Variants in PPM1B observed in about 807,000 individuals in gnomAD.
The protein encoded by PPM1B is protein phosphatase, Mg2+/Mn2+ dependent 1B.
In PPM1B, 22 loss-of-function variants were observed where a neutral mutation model predicts 43.0. The ratio of observed to expected loss-of-function variants is 0.51; its 90% CI spans 0.37 to 0.73. The LOEUF (loss-of-function observed/expected upper bound fraction) is 0.73, where lower values mean the gene tolerates loss of function less well. Among genes scored for constraint, PPM1B ranks in the 30% least tolerant of loss-of-function variants. The pLI is 0.00. For missense variants in PPM1B, 632 were observed against 584.2 expected, an observed-to-expected ratio of 1.08 and a Z score of -0.84; for synonymous variants, 217 against 197.9, an observed-to-expected ratio of 1.10 and a Z score of -0.81.
At chr2:44,218,733 G>A in intron 5 of PPM1B, 196 bp downstream of exon 5, 2 of 516,942 alleles carry the variant, frequency 3.9e-6, no homozygotes, top group Non-Finnish European at 6.9e-6. Context: ...TTGTTTTGTA[G>A]ATAGTTTTGT....
intron 1 of PPM1B, among the ~76,000 whole-genome samples, chr2:44,188,443 T>C (rs1668235374): frequency 6.8e-6 from 1 of 147,570 alleles, no homozygotes; most frequent in African/African-American, 2.5e-5. Flanking sequence ...TTGCTCAGGC[T>C]GGAATACAAC....
At chr2:44,170,166 T>A (rs187688370) in intron 1 of PPM1B, among the ~76,000 whole-genome samples, 4 of 152,342 alleles carry the variant, frequency 2.6e-5, no homozygotes, top group Admixed American at 2.6e-4. Context: ...TTTGCCCATC[T>A]TATTCGGCAA....
At chr2:44,210,422 G>A (rs1022266627) in intron 3 of PPM1B, among the ~76,000 whole-genome samples, 11 of 151,936 alleles carry the variant, frequency 7.2e-5, no homozygotes, top group African/African-American at 2.4e-4. Context: ...GTCTCACTGT[G>A]TTGCCCAGGG....
intron 1 of PPM1B, among the ~76,000 whole-genome samples, chr2:44,184,187 G>A (rs151006846): frequency 2.6e-5 from 4 of 152,298 alleles, no homozygotes; most frequent in South Asian, 4.1e-4. Context: ...CTGTAAATAC[G>A]TTGAAACAAT....
chr2:44,234,526 A>T, downstream of PPM1B: 1 of 974,864 alleles, frequency 1.0e-6, no homozygotes, highest in Non-Finnish European at 1.2e-6. Context: ...TCAAAAAAAA[A>T]AAAAAAGAAA....
intron 5 of PPM1B, among the ~76,000 whole-genome samples, chr2:44,220,372 T>C (rs1303289417): frequency 6.6e-6 from 1 of 152,008 alleles, no homozygotes; most frequent in East Asian, 1.9e-4. Flanking sequence ...TTTTAAATTT[T>C]TTAAAAAGAA....
intron 1 of PPM1B, among the ~76,000 whole-genome samples, chr2:44,179,789 A>G (rs1220599019): frequency 6.6e-6 from 1 of 152,092 alleles, no homozygotes; most frequent in Non-Finnish European, 1.5e-5. Context: ...CGGGTGGATC[A>G]CCTGAGGTCA....
At chr2:44,189,829 A>T (rs1405771864) in intron 1 of PPM1B, among the ~76,000 whole-genome samples, 2 of 151,986 alleles carry the variant, frequency 1.3e-5, no homozygotes, top group East Asian at 3.9e-4. Context: ...TGATATCTCT[A>T]CCCATTGATG....
At chr2:44,181,911 C>T (rs553466953) in intron 1 of PPM1B, among the ~76,000 whole-genome samples, 50 of 152,168 alleles carry the variant, frequency 3.3e-4, no homozygotes, top group Middle Eastern at 3.4e-3. Flanking sequence ...GACCCCACTT[C>T]CCTTTTTCAG....
At chr2:44,170,322 G>A (rs1667270558) in intron 1 of PPM1B, among the ~76,000 whole-genome samples, 1 of 152,204 alleles carries the variant, frequency 6.6e-6, no homozygotes, top group African/African-American at 2.4e-5. Flanking sequence ...TTTTAAAATA[G>A]GCTCCACATG....
At chr2:44,234,133 TC>T (rs1670544971), downstream of PPM1B, 1 of 969,352 alleles carries the variant, frequency 1.0e-6, no homozygotes, top group African/African-American at 1.8e-5. Context: ...TTGGCATATT[TC>T]TGAAAATTTA....
At chr2:44,223,535 C>T (rs1294095199) in intron 5 of PPM1B, among the ~76,000 whole-genome samples, 2 of 151,848 alleles carry the variant, frequency 1.3e-5, no homozygotes, top group Non-Finnish European at 2.9e-5. Flanking sequence ...GCAGGCCGGG[C>T]GCGGTGGCTC....
intron 2 of PPM1B, among the ~76,000 whole-genome samples, chr2:44,208,781 A>G (rs982050401): frequency 7.2e-5 from 11 of 152,226 alleles, no homozygotes; most frequent in African/African-American, 2.7e-4. Context: ...ATTTTCAGCT[A>G]TGTTAAATTC....
At chr2:44,178,571 G>A (rs777851379) in intron 1 of PPM1B, among the ~76,000 whole-genome samples, 4 of 151,434 alleles carry the variant, frequency 2.6e-5, no homozygotes, top group Non-Finnish European at 4.4e-5. Context: ...GGGTTCAAGC[G>A]ATACTCCTGT....
intron 5 of PPM1B, among the ~76,000 whole-genome samples, chr2:44,223,725 A>G (rs1401956438): frequency 6.9e-6 from 1 of 145,348 alleles, no homozygotes; most frequent in African/African-American, 2.5e-5. Context: ...TTGGGGCAGG[A>G]GAATGGTGTG....
intron 2 of PPM1B, among the ~76,000 whole-genome samples, chr2:44,208,629 C>A (rs1669306154): frequency 6.6e-6 from 1 of 152,170 alleles, no homozygotes; most frequent in South Asian, 2.1e-4. Flanking sequence ...AGGAGAATTG[C>A]TTGAACCTGG....
chr2:44,188,788 T>TTCCC lies in PPM1B; in HGVS notation c.-14-12393_-14-12390dup, dbSNP rs565011705. Among the ~76,000 whole-genome samples, 2,422 of 140,254 alleles carry TTCCC rather than the reference T, an allele frequency of 0.017. 180 individuals carry two copies. In the East Asian group the frequency reaches 0.21, roughly 12 times the overall value. The allele number at this position is 140,254 out of a possible 152,430, so 92.0% of individuals were successfully genotyped here. On this transcript the variant is annotated intron_variant, in intron 1 of 5. Transcript: ENST00000282412. The stretch of plus-strand genomic sequence containing the variant: ...TTTCCTTCCTTCCTTCCTTCCCTCC[T>TTCCC]TCCCTCCCCTTCCCACTCCCCTCCC...
intron 3 of PPM1B, among the ~76,000 whole-genome samples, chr2:44,211,161 G>A (rs1669448099): frequency 6.6e-6 from 1 of 151,990 alleles, no homozygotes; most frequent in South Asian, 2.1e-4. Flanking sequence ...AGAAATTAAC[G>A]TTGATACAAT....
At chr2:44,178,640 T>G (rs1156409848) in intron 1 of PPM1B, among the ~76,000 whole-genome samples, 1 of 151,902 alleles carries the variant, frequency 6.6e-6, no homozygotes, top group Non-Finnish European at 1.5e-5. Context: ...AGCTAATTTT[T>G]TTGTATTTTT....
Sources: gnomAD v4.1 joint callset for allele counts (sites outside exome capture counted in the v4.1 genomes callset) on GRCh38, gnomAD v4.1.1 for gene constraint, MANE v1.5 for transcripts, NCBI Gene and HGNC (gene_info 2026-07-23, HGNC 2026-07-21) for gene names.